CCDC178: variants seen among roughly 807,000 people sequenced by gnomAD.
CCDC178 encodes coiled-coil domain-containing protein 178.
A neutral mutation model predicts 117.4 loss-of-function variants in CCDC178; 126 were observed. The ratio of observed to expected loss-of-function variants is 1.07; its 90% CI spans 0.93 to 1.24. CCDC178 has a LOEUF of 1.24. Ranked by LOEUF, CCDC178 falls within the 50% of genes most tolerant of loss-of-function variation. The pLI is 0.00. For missense variants in CCDC178, 1,030 were observed against 986.9 expected (o/e 1.04, Z -0.59); for synonymous variants, 283 against 313.4 (o/e 0.90, Z 1.02).
intron 12 of CCDC178, among the ~76,000 whole-genome samples, chr18:33,292,852 C>A (rs73419991): frequency 0.01 from 1,579 of 152,046 alleles, 28 homozygotes; most frequent in African/African-American, 0.034. Context: ...ATCCTGGAGT[C>A]TCCAGACAGA....
chr18:33,241,441 T>C (rs2059487044), intron 15 of CCDC178, among the ~76,000 whole-genome samples: 1 of 150,048 alleles, frequency 6.7e-6, no homozygotes, highest in Admixed American at 6.7e-5. Context: ...TGTGTGTGTG[T>C]GTGTGTGTGT....
intron 21 of CCDC178, among the ~76,000 whole-genome samples, chr18:33,045,697 C>A (rs879724764): frequency 2.6e-5 from 4 of 152,156 alleles, no homozygotes; most frequent in Admixed American, 2.6e-4. Flanking sequence ...AATGAAAATG[C>A]ATGCATTACT....
intron 21 of CCDC178, among the ~76,000 whole-genome samples, chr18:33,021,945 T>TGGTCACCAAAAATGTTCTAAA: frequency 6.6e-6 from 1 of 152,304 alleles, no homozygotes; most frequent in African/African-American, 2.4e-5. Context: ...ATTATTTTCC[T>TGGTCACCAAAAATGTTCTAAA]GGTCACCAAA....
intron 5 of CCDC178, among the ~76,000 whole-genome samples, chr18:33,379,344 G>T (rs1052977971): frequency 6.6e-6 from 1 of 151,852 alleles, no homozygotes; most frequent in East Asian, 1.9e-4. Flanking sequence ...CTATTAGGCT[G>T]TGCAATTCAA....
chr18:33,204,990 A>G (rs1360874780), intron 20 of CCDC178, among the ~76,000 whole-genome samples: 2 of 152,054 alleles, frequency 1.3e-5, no homozygotes, highest in East Asian at 1.9e-4. Flanking sequence ...CAAATTGTTC[A>G]TATTGTTGGA....
intron 20 of CCDC178, among the ~76,000 whole-genome samples, chr18:33,197,689 G>A (rs773595004): frequency 1.3e-5 from 2 of 151,596 alleles, no homozygotes; most frequent in Admixed American, 1.3e-4. Flanking sequence ...CCAAAGCTGG[G>A]AAAAGAAGGA....
At chr18:33,210,487 A>C (rs768641865) in intron 20 of CCDC178, among the ~76,000 whole-genome samples, 2 of 152,038 alleles carry the variant, frequency 1.3e-5, no homozygotes, top group Non-Finnish European at 2.9e-5. Flanking sequence ...TTCACTAATT[A>C]TTATTGTTCC....
chr18:33,397,189 T>C lies in CCDC178; in HGVS notation c.78A>G (p.Val26=). Residue 26 remains valine (V), a synonymous_variant, in exon 4 of 23, where the codon GTA becomes GTG. Coordinates refer to ENST00000383096, the MANE Select transcript of CCDC178 (RefSeq NM_001105528.4). The stretch of plus-strand genomic sequence containing the variant: ...ACCATGCCTTCTCTCTGAGAGCCTT[T>C]ACTTCCTGACATGTTAAACCTATAA... ...QTNIGLTCQE[V]KALREKAWSR... 1 of 1,606,974 alleles carries C rather than the reference T, an allele frequency of 6.2e-7. No homozygotes were observed. The highest frequency in any genetic ancestry group is 8.5e-7 in the Non-Finnish European group (1 of 1,174,232).
At chr18:33,398,942 G>A (rs9950043) in intron 3 of CCDC178, among the ~76,000 whole-genome samples, 10 of 152,164 alleles carry the variant, frequency 6.6e-5, no homozygotes, top group Non-Finnish European at 1.0e-4. Flanking sequence ...CAATATTTCC[G>A]TTTTAAAAAG....
At chr18:33,236,144 C>A (rs1452533375) in intron 15 of CCDC178, among the ~76,000 whole-genome samples, 6 of 152,064 alleles carry the variant, frequency 3.9e-5, no homozygotes, top group Admixed American at 3.9e-4. Flanking sequence ...TGGAGCTACC[C>A]TAGAAGTGAT....
chr18:33,269,807 T>C (rs923442274), intron 12 of CCDC178, among the ~76,000 whole-genome samples: 2 of 151,834 alleles, frequency 1.3e-5, no homozygotes, highest in African/African-American at 4.8e-5. Context: ...ATACATTGTA[T>C]TTAAAATGTT....
At chr18:32,976,984 G>C (rs1030573102) in intron 21 of CCDC178, among the ~76,000 whole-genome samples, 1 of 152,076 alleles carries the variant, frequency 6.6e-6, no homozygotes, top group South Asian at 2.1e-4. Flanking sequence ...TAAATTGTCT[G>C]TTGTGGGTGG....
chr18:33,264,341 T>A (rs989318051), intron 14 of CCDC178, among the ~76,000 whole-genome samples: 2 of 152,066 alleles, frequency 1.3e-5, no homozygotes, highest in Non-Finnish European at 2.9e-5. Context: ...AATTATCTCT[T>A]TGTCCTGAGT....
chr18:33,436,718 C>T (rs1045238892), intron 2 of CCDC178, among the ~76,000 whole-genome samples: 7 of 152,110 alleles, frequency 4.6e-5, no homozygotes, highest in Admixed American at 2.6e-4. Flanking sequence ...ATAATTGCAC[C>T]TAATTTCAGT....
intron 4 of CCDC178, among the ~76,000 whole-genome samples, chr18:33,394,221 A>T (rs2063601083): frequency 6.6e-6 from 1 of 152,034 alleles, no homozygotes; most frequent in Admixed American, 6.6e-5. Context: ...GGATGAAAAA[A>T]ATCTCAAAGT....
intron 21 of CCDC178, among the ~76,000 whole-genome samples, chr18:33,015,567 A>AAAC (rs1326558089): frequency 1.3e-5 from 2 of 150,044 alleles, no homozygotes; most frequent in African/African-American, 5.0e-5. Context: ...TCCGTCTCAA[A>AAAC]AACAACAACA....
chr18:33,083,239 C>G (rs1336283051), intron 21 of CCDC178, among the ~76,000 whole-genome samples: 1 of 152,166 alleles, frequency 6.6e-6, no homozygotes. Flanking sequence ...AGCAAAAGGG[C>G]AGGATTCAAA....
At chr18:33,262,538 T>C (rs938353549) in intron 14 of CCDC178, among the ~76,000 whole-genome samples, 1 of 152,096 alleles carries the variant, frequency 6.6e-6, no homozygotes, top group Non-Finnish European at 1.5e-5. Flanking sequence ...CTCAACTGAG[T>C]CAAAATGCCT....
chr18:33,326,040 C>A (rs898250110), intron 10 of CCDC178, among the ~76,000 whole-genome samples: 3 of 152,178 alleles, frequency 2.0e-5, no homozygotes, highest in Non-Finnish European at 2.9e-5. Flanking sequence ...TGGGAAGACA[C>A]AACGCAGTGA....
Sources: gnomAD v4.1 joint callset for allele counts (sites outside exome capture counted in the v4.1 genomes callset) on GRCh38, gnomAD v4.1.1 for gene constraint, MANE v1.5 for transcripts, NCBI Gene and HGNC (gene_info 2026-07-23, HGNC 2026-07-21) for gene names.